The following BBS1 variants were observed in gnomAD, a reference collection of about 807,000 sequenced individuals.
The protein encoded by BBS1 is Bardet-Biedl syndrome 1.
A neutral mutation model predicts 73.9 loss-of-function variants in BBS1; 60 were observed. The ratio of observed to expected loss-of-function variants is 0.81; its 90% CI spans 0.66 to 1.01. The LOEUF (loss-of-function observed/expected upper bound fraction) is 1.01, where lower values mean the gene tolerates loss of function less well. Among genes scored for constraint, BBS1 ranks in the 50% least tolerant of loss-of-function variants. The pLI is 0.00. For missense variants in BBS1, 718 were observed against 770.3 expected, an observed-to-expected ratio of 0.93 and a Z score of 0.80; for synonymous variants, 283 against 317.4, an observed-to-expected ratio of 0.89 and a Z score of 1.15.
chr11:66,526,721 C>T lies in BBS1; in HGVS notation c.1253C>T (p.Pro418Leu), dbSNP rs1410252393. Reference protein sequence around the residue: ...FVEGGSEVGPPPAQAMKLNVP... With the variant: ...FVEGGSEVGPLPAQAMKLNVP... ...GAGGGAGGAAGTGAGGTGGGTCCCC[C>T]ACCAGCCCAGGCCATGAAACTCAAT... is the stretch of plus-strand genomic sequence containing the variant. The change falls in exon 13 of 17, where the codon CCA becomes CTA. Residue 418 changes from proline (P) to leucine (L), a missense_variant. By Grantham distance (98) the Pro-to-Leu change is moderately conservative. Coordinates refer to ENST00000318312, the MANE Select transcript of BBS1 (RefSeq NM_024649.5). 9 of 1,614,078 alleles carry T rather than the reference C, an allele frequency of 5.6e-6. No homozygotes were observed. The Admixed American group carries it at 1.0e-4, about 18-fold the overall frequency.
At chr11:66,521,995 A>T (rs1460961585) in intron 9 of BBS1, among the ~76,000 whole-genome samples, 2 of 149,748 alleles carry the variant, frequency 1.3e-5, no homozygotes, top group African/African-American at 4.9e-5. Context: ...ACGTGGGTGG[A>T]TCATGAGGTC....
At chr11:66,517,828 C>T (rs1856085198) in intron 7 of BBS1, among the ~76,000 whole-genome samples, 1 of 151,928 alleles carries the variant, frequency 6.6e-6, no homozygotes, top group African/African-American at 2.4e-5. Context: ...TGGTCTCAAA[C>T]TCCTGATCTA....
chr11:66,523,707 T>C lies in BBS1; in HGVS notation c.952-17T>C. The C allele has an allele frequency of 6.2e-7, 1 of 1,610,594 alleles. No homozygotes were observed. Among genetic ancestry groups the C allele is most frequent in the East Asian group, 2.2e-5 (1 of 44,878 alleles). On this transcript the variant is annotated splice_polypyrimidine_tract_variant and intron_variant, in intron 10 of 16. Transcript: ENST00000318312. ...TAAGCCCTGAGCCCTCCACAGACGCTGGCTGTTCCCTGCCAGGGGAAGAAG... is the reference window on the plus strand; with the variant it reads ...TAAGCCCTGAGCCCTCCACAGACGCCGGCTGTTCCCTGCCAGGGGAAGAAG...
At chr11:66,512,022 G>GTATATATATGTATA (rs1555046290) in intron 3 of BBS1, among the ~76,000 whole-genome samples, 1 of 141,386 alleles carries the variant, frequency 7.1e-6, no homozygotes, top group African/African-American at 2.7e-5. Context: ...ATATATATGT[G>GTATATATATGTATA]TATATATATG....
chr11:66,518,924 A>AT (rs1191033770), intron 7 of BBS1, among the ~76,000 whole-genome samples: 1 of 151,964 alleles, frequency 6.6e-6, no homozygotes, highest in Non-Finnish European at 1.5e-5. Context: ...CACCTGGCTG[A>AT]TTTTTTATTT....
Position 66,532,613 on chromosome 11 carries a change from A to ATGATACGGCG in BBS1, c.*576_*577insTGATACGGCG. The ATGATACGGCG allele has an allele frequency of 6.4e-6, 1 of 155,196 alleles. No homozygotes were observed. Among genetic ancestry groups the ATGATACGGCG allele is most frequent in the Non-Finnish European group, 1.4e-5 (1 of 69,822 alleles). The allele number at this position is 155,196 out of a possible 1,614,324, so 9.6% of individuals were successfully genotyped here. A position where few individuals can be genotyped will look rare whatever the true frequency, so the allele number is the denominator to read the frequency against. ...GGGAATAGCCCTCCTCTCCCCAGGA[A>ATGATACGGCG]ACTTCTCTGAAATCTTAGACTTAGC... On this transcript the variant is annotated 3_prime_UTR_variant, in exon 17 of 17. Transcript: ENST00000318312.
intron 15 of BBS1, 75 bp from the exon 16 acceptor site, chr11:66,531,581 G>C: frequency 6.3e-7 from 1 of 1,589,824 alleles, no homozygotes; most frequent in Non-Finnish European, 8.6e-7. Flanking sequence ...TGGAGACTGC[G>C]GGCCTGAATG....
intron 13 of BBS1, among the ~76,000 whole-genome samples, chr11:66,527,288 A>G (rs1350705788): frequency 2.0e-5 from 3 of 150,766 alleles, no homozygotes; most frequent in Non-Finnish European, 4.5e-5. Flanking sequence ...CTGCCCGTTT[A>G]TTTGTTCATT....
chr11:66,532,354 G>T lies in BBS1; in HGVS notation c.*317G>T. 2.4e-6 allele frequency: 1 copy of T among 410,986 alleles called. No individual in the cohort carries two copies. The allele number at this position is 410,986 out of a possible 1,614,324, so 25.5% of individuals were successfully genotyped here. ...AGCTCCGAAGCGGTCAAAGTGAGCTGAGCAGGACAGGCCCAGCCTTTCTCC... is the reference window on the plus strand; with the variant it reads ...AGCTCCGAAGCGGTCAAAGTGAGCTTAGCAGGACAGGCCCAGCCTTTCTCC... On this transcript the variant is annotated 3_prime_UTR_variant, in exon 17 of 17. Coordinates refer to ENST00000318312, the MANE Select transcript of BBS1 (RefSeq NM_024649.5).
intron 3 of BBS1, among the ~76,000 whole-genome samples, chr11:66,513,169 G>T (rs753385009): frequency 6.6e-6 from 1 of 151,680 alleles, no homozygotes. Context: ...AATGGATTCT[G>T]TCTGGAGGCA....
chr11:66,515,439 G>A (rs1856028128), intron 4 of BBS1, 101 bp from the exon 5 acceptor site: 14 of 1,316,594 alleles, frequency 1.1e-5, no homozygotes, highest in Non-Finnish European at 1.5e-5. Flanking sequence ...GGGAGGCAGA[G>A]ACCAAGAGGT....
intron 7 of BBS1, among the ~76,000 whole-genome samples, chr11:66,517,491 CAG>C (rs1304219647): frequency 2.8e-5 from 4 of 140,828 alleles, no homozygotes; most frequent in Admixed American, 2.2e-4. Context: ...TTTTTGGAGA[CAG>C]AGTCTGGCTC....
rs570702471 is a variant in BBS1 at position 66,529,698 on chromosome 11, C to A, written c.1340-121C>A. The A allele has an allele frequency of 6.7e-5, 86 of 1,274,822 alleles. No homozygotes were observed. The African/African-American group carries it at 8.2e-4, about 12-fold the overall frequency. 79.0% of individuals were successfully genotyped at this position (1,274,822 alleles called of 1,614,324 possible). A position where few individuals can be genotyped will look rare whatever the true frequency, so the allele number is the denominator to read the frequency against. ...CCCTCCTCCCCAGCTCCTGCAGACTCCTCCTGCAGCACCCTCCTCTTGCAC... is the reference window on the plus strand; with the variant it reads ...CCCTCCTCCCCAGCTCCTGCAGACTACTCCTGCAGCACCCTCCTCTTGCAC... On this transcript the variant is annotated intron_variant, in intron 13 of 16. Coordinates refer to ENST00000318312, the MANE Select transcript of BBS1 (RefSeq NM_024649.5).
chr11:66,531,967 A>C lies in BBS1; in HGVS notation c.1712A>C (p.Glu571Ala). 1 of 1,601,092 alleles carries C rather than the reference A, an allele frequency of 6.2e-7. No homozygotes were observed. Among genetic ancestry groups the C allele is most frequent in the Non-Finnish European group, 8.5e-7 (1 of 1,174,392 alleles). ...SDIIKVLVLR[E>A]GQSAPLLSAH... ...CCTCCATAGGTGCTGGTGCTTCGAG[A>C]AGGCCAAAGTGCACCCCTGCTGAGT... Residue 571 changes from glutamate to alanine, a missense_variant, in exon 17 of 17, where the codon GAA becomes GCA. Transcript: ENST00000318312.
rs373772468 is a variant in BBS1 at position 66,510,686 on chromosome 11, C to A, written c.27C>A (p.Ser9=). 9.3e-6 allele frequency: 15 copies of A among 1,614,198 alleles called. No homozygotes were observed. The highest frequency in any genetic ancestry group is 1.2e-5 in the Non-Finnish European group (14 of 1,180,030). The change falls in exon 1 of 17, where the codon TCC becomes TCA. Residue 9 remains serine, a synonymous_variant. Transcript: ENST00000318312. MAAASSSD[S]DACGAESNEA... ...TGGCCGCTGCGTCCTCATCGGATTC[C>A]GACGCCTGCGGAGCTGAGAGGTGAA...
chr11:66,518,566 A>G (rs1856106966), intron 7 of BBS1, among the ~76,000 whole-genome samples: 1 of 150,458 alleles, frequency 6.6e-6, no homozygotes, highest in Admixed American at 6.7e-5. Flanking sequence ...CCCGGGTTCC[A>G]GCGATTCTCC....
chr11:66,530,404 A>G (rs898528348), intron 14 of BBS1, among the ~76,000 whole-genome samples: 1 of 151,992 alleles, frequency 6.6e-6, no homozygotes, highest in African/African-American at 2.4e-5. Flanking sequence ...GGAACCCCGC[A>G]AGGCTCAGAC....
chr11:66,514,992 T>C (rs1428602590), intron 4 of BBS1, among the ~76,000 whole-genome samples: 5 of 152,086 alleles, frequency 3.3e-5, no homozygotes, highest in Admixed American at 2.6e-4. Flanking sequence ...ATTTTTTGTA[T>C]GTGTTAGTAG....
chr11:66,529,073 A>G, intron 13 of BBS1: 1 of 985,194 alleles, frequency 1.0e-6, no homozygotes, highest in Non-Finnish European at 1.2e-6. Flanking sequence ...AGTACTAGAG[A>G]AAAAGCACAT....
Sources: allele counts gnomAD v4.1 joint callset (sites outside exome capture counted in the v4.1 genomes callset), GRCh38; gene constraint gnomAD v4.1.1; transcripts MANE v1.5; gene names NCBI Gene and HGNC (gene_info 2026-07-23, HGNC 2026-07-21).